MTSS1: variants seen among roughly 807,000 people sequenced by gnomAD.
MTSS1 encodes the protein MTSS I-BAR domain containing 1, also known as protein MTSS 1.
MTSS1 carries 18 observed loss-of-function variants against 79.0 expected under a neutral mutation model. The ratio of observed to expected loss-of-function variants is 0.23; its 90% CI spans 0.16 to 0.34. The LOEUF is 0.34. Among genes scored for constraint, MTSS1 ranks in the 10% least tolerant of loss-of-function variants. The probability of loss-of-function intolerance (pLI) is 1.00; values close to 1 mark genes in which losing one functional copy is unlikely to be tolerated. For synonymous variants in MTSS1, 341 were observed against 368.6 expected, an observed-to-expected ratio of 0.93 and a Z score of 0.86; for missense variants, 815 against 986.2, an observed-to-expected ratio of 0.83 and a Z score of 2.33.
At chr8:124,627,673 C>CG (rs145263619) in intron 3 of MTSS1, among the ~76,000 whole-genome samples, 3,308 of 152,026 alleles carry the variant, frequency 0.022, 102 homozygotes, top group African/African-American at 0.073. Flanking sequence ...CCAGGGGTGG[C>CG]GGGGGGGTCC....
At chr8:124,572,410 G>A (rs925863319) in intron 6 of MTSS1, among the ~76,000 whole-genome samples, 5 of 152,122 alleles carry the variant, frequency 3.3e-5, no homozygotes, top group African/African-American at 1.2e-4. Flanking sequence ...TGTCCCAGTT[G>A]GATATACTGG....
intron 3 of MTSS1, among the ~76,000 whole-genome samples, chr8:124,602,578 T>A (rs1267326070): frequency 1.3e-5 from 2 of 152,086 alleles, no homozygotes; most frequent in Non-Finnish European, 2.9e-5. Context: ...GGCCTGCAGG[T>A]TGAACAAGCT....
intron 1 of MTSS1, among the ~76,000 whole-genome samples, chr8:124,710,871 A>G (rs757553520): frequency 2.0e-5 from 3 of 152,080 alleles, no homozygotes; most frequent in South Asian, 2.1e-4. Context: ...GCTGGGGAGG[A>G]CTTACGTGAG....
At chr8:124,562,372 G>A (rs17299030) in intron 10 of MTSS1, among the ~76,000 whole-genome samples, 11,947 of 152,264 alleles carry the variant, frequency 0.078, 633 homozygotes, top group Non-Finnish European at 0.11. Flanking sequence ...TATCGGAAGC[G>A]CTATTCAACC....
chr8:124,637,540 T>G (rs1269520311), intron 3 of MTSS1, among the ~76,000 whole-genome samples: 1 of 152,160 alleles, frequency 6.6e-6, no homozygotes, highest in African/African-American at 2.4e-5. Flanking sequence ...GGAAGATGGG[T>G]GCTGAACACT....
intron 6 of MTSS1, among the ~76,000 whole-genome samples, chr8:124,570,253 A>G (rs558686104): frequency 2.6e-4 from 40 of 152,310 alleles, no homozygotes; most frequent in Non-Finnish European, 4.7e-4. Context: ...TGGCCAGTAA[A>G]TACAGTATGG....
At chr8:124,698,527 G>C (rs1057246087) in intron 3 of MTSS1, among the ~76,000 whole-genome samples, 2 of 40,634 alleles carry the variant, frequency 4.9e-5, no homozygotes, top group East Asian at 1.6e-3. Flanking sequence ...TTTTTTTTTT[G>C]AGACAGAGTC....
rs1362481838 is a variant in MTSS1, at chr8:124,727,322, A to C, written c.72+562T>G. ...GCTAAGAGAGGGCACGCACACCTTT[A>C]CCAGCTTCGGAACGGCCCAATTAAT... On this transcript the variant is annotated intron_variant, in intron 1 of 13. Coordinates refer to ENST00000518547, the MANE Select transcript of MTSS1 (RefSeq NM_014751.6). This position sits in a 1 kb window ranked among gnomAD's most constrained non-coding sequence, Gnocchi z 4.7. Among the ~76,000 whole-genome samples, 3 of 152,148 alleles carry C rather than the reference A, an allele frequency of 2.0e-5. No individual in the cohort carries two copies.
intron 3 of MTSS1, among the ~76,000 whole-genome samples, chr8:124,637,380 A>G (rs1200673244): frequency 1.3e-5 from 2 of 152,208 alleles, no homozygotes; most frequent in Non-Finnish European, 2.9e-5. Flanking sequence ...ACTCATGGCC[A>G]ATCTAGAGTG....
chr8:124,557,232 A>G (rs766752909), intron 11 of MTSS1, among the ~76,000 whole-genome samples: 9 of 152,236 alleles, frequency 5.9e-5, no homozygotes, highest in Non-Finnish European at 1.2e-4. Flanking sequence ...ACCACAGCCC[A>G]GCAGGGAGCT....
chr8:124,584,992 C>T (rs1224757315), intron 6 of MTSS1, 95 bp downstream of exon 6: 3 of 1,044,900 alleles, frequency 2.9e-6, no homozygotes, highest in Non-Finnish European at 2.9e-6. Context: ...GGCCGTCATA[C>T]TTAAGGAAGT....
intron 3 of MTSS1, among the ~76,000 whole-genome samples, chr8:124,618,647 T>C (rs1209462465): frequency 6.6e-6 from 1 of 152,148 alleles, no homozygotes. Context: ...AGACACCAAG[T>C]ATGAGGTTTC....
intron 3 of MTSS1, among the ~76,000 whole-genome samples, chr8:124,640,813 A>G (rs1179075243): frequency 6.6e-6 from 1 of 152,164 alleles, no homozygotes; most frequent in Non-Finnish European, 1.5e-5. Flanking sequence ...AAGTCCTGAG[A>G]TAACAGGCGT....
At chr8:124,600,817 C>A (rs529371836) in intron 3 of MTSS1, among the ~76,000 whole-genome samples, 5 of 152,330 alleles carry the variant, frequency 3.3e-5, no homozygotes, top group African/African-American at 9.6e-5. Flanking sequence ...TCTCAGAAGA[C>A]CAAAGGCCTA....
chr8:124,608,285 C>T (rs1251681463), intron 3 of MTSS1, among the ~76,000 whole-genome samples: 2 of 152,152 alleles, frequency 1.3e-5, no homozygotes, highest in East Asian at 1.9e-4. Flanking sequence ...AGAATAACTA[C>T]CAATGAATGA....
chr8:124,593,418 T>C (rs1473665070), intron 3 of MTSS1, among the ~76,000 whole-genome samples: 2 of 152,220 alleles, frequency 1.3e-5, no homozygotes, highest in Non-Finnish European at 2.9e-5. Context: ...AAATTTAACC[T>C]GCGGAAATGA....
At chr8:124,720,320 C>T (rs1832723227) in intron 1 of MTSS1, among the ~76,000 whole-genome samples, 5 of 152,216 alleles carry the variant, frequency 3.3e-5, no homozygotes, top group Admixed American at 2.0e-4. Flanking sequence ...AGGACTGCCA[C>T]ATTCGGCCCA....
intron 3 of MTSS1, among the ~76,000 whole-genome samples, chr8:124,675,449 C>T (rs1446039803): frequency 6.6e-6 from 1 of 152,130 alleles, no homozygotes; most frequent in Non-Finnish European, 1.5e-5. Flanking sequence ...ATAGGGTGTA[C>T]CATATATAGT....
At chr8:124,625,529 G>A (rs955089749) in intron 3 of MTSS1, among the ~76,000 whole-genome samples, 1 of 152,192 alleles carries the variant, frequency 6.6e-6, no homozygotes, top group Non-Finnish European at 1.5e-5. Flanking sequence ...CAGACGTTCA[G>A]TTCTCCAACA....
Sources: allele counts gnomAD v4.1 joint callset (sites outside exome capture counted in the v4.1 genomes callset), GRCh38; gene constraint gnomAD v4.1.1; non-coding constraint Gnocchi (gnomAD v3.1); transcripts MANE v1.5; gene names NCBI Gene and HGNC (gene_info 2026-07-23, HGNC 2026-07-21).